The following STARD13 variants were observed in gnomAD, a reference collection of about 807,000 sequenced individuals.
STARD13 encodes the protein stAR-related lipid transfer protein 13.
STARD13 carries 62 observed loss-of-function variants against 106.4 expected under a neutral mutation model. The ratio of observed to expected loss-of-function variants is 0.58; its 90% CI spans 0.48 to 0.72. STARD13 has a LOEUF of 0.72. Ranked by LOEUF, STARD13 falls within the 30% of genes least tolerant of loss-of-function variation. The pLI, the probability that STARD13 is intolerant of heterozygous loss-of-function variation, is 0.00. For synonymous variants in STARD13, 565 were observed against 553.0 expected (o/e 1.02, Z -0.31); for missense variants, 1,387 against 1,424.0 (o/e 0.97, Z 0.42).
intron 1 of STARD13, among the ~76,000 whole-genome samples, chr13:33,257,922 A>C (rs1448925125): frequency 2.0e-5 from 3 of 152,234 alleles, no homozygotes; most frequent in African/African-American, 4.8e-5. Context: ...TCATAAATGG[A>C]GATTATATGA....
the STARD13 span, among the ~76,000 whole-genome samples, chr13:33,388,954 C>CTTT: frequency 8.6e-5 from 11 of 128,378 alleles, no homozygotes; most frequent in African/African-American, 2.1e-4. Flanking sequence ...AGGGGTCCTT[C>CTTT]TTTTTTTTTT....
the STARD13 span, among the ~76,000 whole-genome samples, chr13:33,572,343 G>C: frequency 6.6e-6 from 1 of 152,240 alleles, no homozygotes; most frequent in Non-Finnish European, 1.5e-5. Context: ...GTAGCCAACT[G>C]TTCGAACCAT....
chr13:33,365,473 C>T, the STARD13 span, among the ~76,000 whole-genome samples: 4 of 152,140 alleles, frequency 2.6e-5, no homozygotes, highest in East Asian at 5.8e-4. Context: ...CGCTGGACGG[C>T]GACAGTCGGG....
chr13:33,302,567 C>T, intron 1 of STARD13, among the ~76,000 whole-genome samples: 1 of 152,060 alleles, frequency 6.6e-6, no homozygotes, highest in East Asian at 1.9e-4. Context: ...CAGGCGTGTG[C>T]CACCCCCACC....
At chr13:33,185,061 G>T (rs1444956918) in intron 1 of STARD13, among the ~76,000 whole-genome samples, 4 of 152,178 alleles carry the variant, frequency 2.6e-5, no homozygotes, top group East Asian at 1.9e-4. Context: ...AGGCTCAGGT[G>T]TAAATTTAAA....
At chr13:33,206,108 G>C (rs910759738) in intron 1 of STARD13, 6 of 629,492 alleles carry the variant, frequency 9.5e-6, no homozygotes, top group Non-Finnish European at 9.9e-6. Context: ...ACTCACAGCT[G>C]GATTTCCTAT....
At chr13:33,675,125 G>A in the STARD13 span, among the ~76,000 whole-genome samples, 1 of 152,124 alleles carries the variant, frequency 6.6e-6, no homozygotes, top group African/African-American at 2.4e-5. Context: ...GCCAAGATTA[G>A]CAAGAAACAG....
At chr13:33,180,024 A>AT (rs1302176990) in intron 1 of STARD13, among the ~76,000 whole-genome samples, 1 of 152,176 alleles carries the variant, frequency 6.6e-6, no homozygotes, top group Non-Finnish European at 1.5e-5. Context: ...CTGCCTGGAG[A>AT]TTCTTACACG....
At chr13:33,671,925 T>C in the STARD13 span, among the ~76,000 whole-genome samples, 1 of 152,210 alleles carries the variant, frequency 6.6e-6, no homozygotes, top group Admixed American at 6.5e-5. Context: ...GGTGGGAGTG[T>C]AAATTAGTTC....
At chr13:33,435,925 TAG>T in the STARD13 span, among the ~76,000 whole-genome samples, 1 of 152,222 alleles carries the variant, frequency 6.6e-6, no homozygotes, top group African/African-American at 2.4e-5. Context: ...ACACTCCATA[TAG>T]TACATGATTT....
At chr13:33,554,076 T>G in the STARD13 span, among the ~76,000 whole-genome samples, 4 of 152,164 alleles carry the variant, frequency 2.6e-5, no homozygotes, top group Admixed American at 2.0e-4. Context: ...ATATCTTCTC[T>G]TCACCATTGG....
chr13:33,135,427 G>A (rs1335969073), intron 4 of STARD13, among the ~76,000 whole-genome samples: 2 of 152,186 alleles, frequency 1.3e-5, no homozygotes, highest in African/African-American at 2.4e-5. Flanking sequence ...GCATGGTACT[G>A]GTGTGTGGTC....
chr13:33,549,772 A>G, the STARD13 span, among the ~76,000 whole-genome samples: 1 of 152,146 alleles, frequency 6.6e-6, no homozygotes, highest in Non-Finnish European at 1.5e-5. Flanking sequence ...TTGTATATGT[A>G]TGGAGGTCAG....
chr13:33,392,614 G>T, the STARD13 span, among the ~76,000 whole-genome samples: 1 of 151,488 alleles, frequency 6.6e-6, no homozygotes, highest in Non-Finnish European at 1.5e-5. Context: ...TGGCCGGGCT[G>T]GTTTCAAACT....
chr13:33,417,991 C>G, the STARD13 span, among the ~76,000 whole-genome samples: 14 of 152,188 alleles, frequency 9.2e-5, no homozygotes, highest in Admixed American at 1.3e-4. Context: ...CGAATAGGAA[C>G]AGCTCCAGTG....
chr13:33,249,885 G>T (rs914612333), intron 1 of STARD13, among the ~76,000 whole-genome samples: 1 of 152,112 alleles, frequency 6.6e-6, no homozygotes, highest in Non-Finnish European at 1.5e-5. Context: ...TACCTCCCAG[G>T]ATTAAACAAT....
chr13:33,626,452 G>C, the STARD13 span, among the ~76,000 whole-genome samples: 1 of 152,006 alleles, frequency 6.6e-6, no homozygotes, highest in Admixed American at 6.6e-5. Context: ...GAAAATTGTT[G>C]GTGAAATCTT....
chr13:33,174,965 C>A (rs1239626251), intron 1 of STARD13, among the ~76,000 whole-genome samples: 1 of 152,046 alleles, frequency 6.6e-6, no homozygotes, highest in Non-Finnish European at 1.5e-5. Context: ...ACATTTGCAC[C>A]ACAGAAAATC....
intron 1 of STARD13, among the ~76,000 whole-genome samples, chr13:33,238,003 T>A (rs971395150): frequency 2.6e-4 from 39 of 152,242 alleles, no homozygotes; most frequent in African/African-American, 9.2e-4. Context: ...CTGATCAGTA[T>A]CACTTATGAG....
Sources: gnomAD v4.1 joint callset for allele counts (sites outside exome capture counted in the v4.1 genomes callset) on GRCh38, gnomAD v4.1.1 for gene constraint, MANE v1.5 for transcripts, NCBI Gene and HGNC (gene_info 2026-07-23, HGNC 2026-07-21) for gene names.